Variants in ACTN4 observed in about 807,000 individuals in gnomAD.
The protein encoded by ACTN4 is alpha-actinin-4.
ACTN4 carries 18 observed loss-of-function variants against 114.2 expected under a neutral mutation model. The ratio of observed to expected loss-of-function variants is 0.16; its 90% CI spans 0.11 to 0.23. The LOEUF (loss-of-function observed/expected upper bound fraction) is 0.23, where lower values mean the gene tolerates loss of function less well. ACTN4 is among the 10% of genes least tolerant of loss of function. The pLI, the probability that ACTN4 is intolerant of heterozygous loss-of-function variation, is 1.00. For synonymous variants in ACTN4, 515 were observed against 506.3 expected (o/e 1.02, Z -0.23); for missense variants, 722 against 1,262.9 (o/e 0.57, Z 6.49).
Position 38,700,991 on chromosome 19 carries a change from G to T in ACTN4, c.278-11G>T. On this transcript the variant is annotated splice_polypyrimidine_tract_variant and intron_variant, in intron 2 of 20. Coordinates refer to ENST00000252699, the MANE Select transcript of ACTN4 (RefSeq NM_004924.6). ...GTCTCGCCCCCTCTTTTCTCTTTGT[G>T]CACTTCTCAGGGGAGCGGTTACCTA... 2.5e-6 allele frequency: 4 copies of T among 1,613,364 alleles called. No individual in the cohort carries two copies. The highest frequency in any genetic ancestry group is 3.4e-6 in the Non-Finnish European group (4 of 1,179,774).
chr19:38,676,658 A>T (rs904012613), intron 1 of ACTN4, among the ~76,000 whole-genome samples: 2 of 152,106 alleles, frequency 1.3e-5, no homozygotes, highest in African/African-American at 4.8e-5. Flanking sequence ...GCTCTCTACC[A>T]CAGACAGGCC....
chr19:38,723,592 T>C lies in ACTN4; in HGVS notation c.1443-22T>C, dbSNP rs759764275. 8.5e-5 allele frequency: 133 copies of C among 1,573,060 alleles called. 1 individual carries two copies. The highest frequency in any genetic ancestry group is 1.1e-4 in the Non-Finnish European group (122 of 1,150,970). ...AGCCACTTGCCCTTGCCGAGTCTCATTGCTCTCTGCCCGGCCCGCAGCGAG... is the reference window on the plus strand; with the variant it reads ...AGCCACTTGCCCTTGCCGAGTCTCACTGCTCTCTGCCCGGCCCGCAGCGAG... On this transcript the variant is annotated intron_variant, in intron 12 of 20. Coordinates refer to ENST00000252699, the MANE Select transcript of ACTN4 (RefSeq NM_004924.6).
chr19:38,723,556 C>T (rs1487918567), intron 12 of ACTN4, 58 bp from the exon 13 acceptor site: 1 of 1,324,554 alleles, frequency 7.5e-7, no homozygotes, highest in African/African-American at 1.5e-5. Flanking sequence ...GTAGATGGGT[C>T]CAATCCATCT....
intron 1 of ACTN4, among the ~76,000 whole-genome samples, chr19:38,651,367 C>T (rs1418522199): frequency 6.6e-6 from 1 of 152,134 alleles, no homozygotes; most frequent in African/African-American, 2.4e-5. Flanking sequence ...GAGTGTTCTC[C>T]TGGCGGGATG....
At chr19:38,695,054 T>C (rs1407448836) in intron 1 of ACTN4, among the ~76,000 whole-genome samples, 1 of 152,176 alleles carries the variant, frequency 6.6e-6, no homozygotes. Context: ...TTTGTAGTTT[T>C]TGTAGAGATG....
At chr19:38,696,785 G>C (rs952505857) in intron 1 of ACTN4, among the ~76,000 whole-genome samples, 4 of 152,182 alleles carry the variant, frequency 2.6e-5, no homozygotes. Flanking sequence ...CCTGTGTCAG[G>C]TCCGGATCTG....
intron 1 of ACTN4, among the ~76,000 whole-genome samples, chr19:38,686,674 C>T (rs1320905812): frequency 1.3e-5 from 2 of 152,250 alleles, no homozygotes; most frequent in African/African-American, 4.8e-5. Flanking sequence ...TCTGTGGGCC[C>T]CACCTGCCTT....
In ACTN4 at chr19:38,731,092, C is replaced by T. The variant is rs200491899; in HGVS notation, c.*1660C>T. The T allele has an allele frequency of 3.7e-5, 59 of 1,603,382 alleles. No individual in the cohort carries two copies. The highest frequency in any genetic ancestry group is 1.7e-4 in the African/African-American group (13 of 74,846). On this transcript the variant is annotated 3_prime_UTR_variant, in exon 21 of 21. Transcript: ENST00000252699. ...CCCTTCCCCCCATGCCCCACCATGCCGGGGTGGTACTCACAGAAGATGCAG... is the reference window on the plus strand; with the variant it reads ...CCCTTCCCCCCATGCCCCACCATGCTGGGGTGGTACTCACAGAAGATGCAG...
chr19:38,670,653 A>C (rs1320589839), intron 1 of ACTN4, among the ~76,000 whole-genome samples: 1 of 152,110 alleles, frequency 6.6e-6, no homozygotes, highest in Non-Finnish European at 1.5e-5. Context: ...GGCCGGGTAC[A>C]GTGGCTCACG....
In ACTN4 at chr19:38,727,122, C is replaced by T. The variant is rs1969261012; in HGVS notation, c.2337+19C>T. On this transcript the variant is annotated intron_variant, in intron 18 of 20. Coordinates refer to ENST00000252699, the MANE Select transcript of ACTN4 (RefSeq NM_004924.6). The surrounding 1 kb of genome is among the most constrained non-coding windows in gnomAD (Gnocchi z 5.4). ...CGACAAGGTGAGCAGCCTGCCACCT[C>T]CTCGGCCTCTCCCCTCCCGCCGTTG... The T allele has an allele frequency of 6.2e-7, 1 of 1,613,534 alleles. No individual in the cohort carries two copies. Among genetic ancestry groups the T allele is most frequent in the Non-Finnish European group, 8.5e-7 (1 of 1,179,960 alleles).
In ACTN4 at chr19:38,725,758, C is replaced by T. The variant is rs1969212466; in HGVS notation, c.2045C>T (p.Thr682Ile). The T allele has an allele frequency of 6.2e-7, 1 of 1,613,968 alleles. No homozygotes were observed. Among genetic ancestry groups the T allele is most frequent in the African/African-American group, 1.3e-5 (1 of 74,940 alleles). Residue 682 changes from threonine to isoleucine, a missense_variant, in exon 17 of 21, where the codon ACC becomes ATC. Physicochemically the swap from Thr to Ile is moderately conservative, Grantham distance 89. Around this residue, in one of 3 missense-constraint regions of ACTN4, gnomAD observed 523 missense variants for 875.9 expected, o/e 0.60. Transcript: ENST00000252699. The stretch of plus-strand genomic sequence containing the variant: ...CGCATCTCCATTGAGATGAACGGGA[C>T]CCTGGAGGACCAGCTGAGCCACCTG... ...IGRISIEMNG[T>I]LEDQLSHLKQ...
chr19:38,690,949 C>T (rs759519836), intron 1 of ACTN4, among the ~76,000 whole-genome samples: 1 of 152,192 alleles, frequency 6.6e-6, no homozygotes, highest in Non-Finnish European at 1.5e-5. Context: ...CAACCTGATT[C>T]CACTCACTCC....
At chr19:38,713,323 C>T (rs1042812714) in intron 8 of ACTN4, among the ~76,000 whole-genome samples, 1 of 152,206 alleles carries the variant, frequency 6.6e-6, no homozygotes, top group African/African-American at 2.4e-5. Flanking sequence ...CCTTGCCTTG[C>T]GGCAGCCCCG....
chr19:38,671,682 A>G (rs1253923794), intron 1 of ACTN4, among the ~76,000 whole-genome samples: 1 of 152,112 alleles, frequency 6.6e-6, no homozygotes, highest in Non-Finnish European at 1.5e-5. Flanking sequence ...TTATCCCTGA[A>G]AACTTCAGGC....
At chr19:38,728,934 G>A in intron 19 of ACTN4, 62 bp from the exon 20 acceptor site, 2 of 1,603,164 alleles carry the variant, frequency 1.2e-6, no homozygotes, top group Non-Finnish European at 1.7e-6. Context: ...CCACCAGTGT[G>A]GGCCTGGCTG....
chr19:38,689,325 A>G (rs886233768), intron 1 of ACTN4, among the ~76,000 whole-genome samples: 3 of 152,202 alleles, frequency 2.0e-5, no homozygotes, highest in African/African-American at 7.2e-5. Context: ...CAAAGATCAT[A>G]TACCATATGG....
At chr19:38,696,545 T>C (rs943725591) in intron 1 of ACTN4, among the ~76,000 whole-genome samples, 1 of 152,192 alleles carries the variant, frequency 6.6e-6, no homozygotes, top group Non-Finnish European at 1.5e-5. Flanking sequence ...GAATTTTTAA[T>C]GTCCCATTCG....
intron 12 of ACTN4, 146 bp downstream of exon 12, chr19:38,721,834 G>A: frequency 8.2e-7 from 1 of 1,219,040 alleles, no homozygotes. Context: ...CCAGAAGCCA[G>A]GGAAGGGCCT....
At chr19:38,699,772 A>G (rs867663596) in intron 1 of ACTN4, among the ~76,000 whole-genome samples, 1 of 151,786 alleles carries the variant, frequency 6.6e-6, no homozygotes, top group East Asian at 1.9e-4. Flanking sequence ...AAAAAAGGAA[A>G]AAAAAGAATA....
Sources: gnomAD v4.1 joint callset for allele counts (sites outside exome capture counted in the v4.1 genomes callset) on GRCh38, gnomAD v4.1.1 for gene constraint, gnomAD v4.1.1 regional missense constraint, Gnocchi (gnomAD v3.1) non-coding constraint, MANE v1.5 for transcripts, NCBI Gene and HGNC (gene_info 2026-07-23, HGNC 2026-07-21) for gene names.